The following NCOR2 variants were observed in gnomAD, a reference collection of about 807,000 sequenced individuals.
The protein encoded by NCOR2 is CTG repeat protein 26.
In NCOR2, 81 loss-of-function variants were observed where a neutral mutation model predicts 262.9. The observed-to-expected ratio is 0.31, with a 90% CI of 0.26 to 0.37. The LOEUF is 0.37. NCOR2 is among the 10% of genes least tolerant of loss of function. NCOR2 has a pLI of 1.00. For missense variants in NCOR2, 3,385 were observed against 3,621.4 expected (o/e 0.93, Z 1.68); for synonymous variants, 1,659 against 1,559.3 (o/e 1.06, Z -1.51).
At chr12:124,382,530 G>C (rs2040487840) in intron 17 of NCOR2, among the ~76,000 whole-genome samples, 1 of 152,222 alleles carries the variant, frequency 6.6e-6, no homozygotes, top group Admixed American at 6.5e-5. Context: ...CTTTGACTGT[G>C]TCATTCGGAT....
chr12:124,437,521 A>G (rs1263673081), intron 8 of NCOR2, among the ~76,000 whole-genome samples: 2 of 152,194 alleles, frequency 1.3e-5, no homozygotes, highest in Non-Finnish European at 2.9e-5. Flanking sequence ...CCAGTGCACC[A>G]GGAAAGGCTC....
chr12:124,436,615 C>T (rs1394273184), intron 8 of NCOR2, among the ~76,000 whole-genome samples: 1 of 152,232 alleles, frequency 6.6e-6, no homozygotes, highest in African/African-American at 2.4e-5. Context: ...CAAAACCAGG[C>T]AGCCTCACTC....
intron 1 of NCOR2, among the ~76,000 whole-genome samples, chr12:124,490,635 A>C (rs2048035653): frequency 1.3e-5 from 2 of 150,624 alleles, no homozygotes; most frequent in African/African-American, 4.9e-5. Context: ...GACCCCCCCC[A>C]GGGCACTCAG....
chr12:124,400,449 C>T (rs2041934735), intron 15 of NCOR2, 52 bp downstream of exon 17: 1 of 1,587,708 alleles, frequency 6.3e-7, no homozygotes, highest in Admixed American at 1.7e-5. Flanking sequence ...ATGAGCGCAA[C>T]CCGCCGTGTC....
At chr12:124,388,902 G>A (rs1449558829) in intron 16 of NCOR2, 6 of 814,674 alleles carry the variant, frequency 7.4e-6, no homozygotes, top group Middle Eastern at 5.4e-4. Context: ...GGGAGCGAGG[G>A]AGGGAGGGAC....
intron 20 of NCOR2, among the ~76,000 whole-genome samples, chr12:124,366,010 TAA>T (rs1052701698): frequency 6.6e-6 from 1 of 151,976 alleles, no homozygotes; most frequent in African/African-American, 2.4e-5. Context: ...AGCTGAAATT[TAA>T]AAGAGAATGC....
chr12:124,343,094 C>T (rs776321587), exon 33 of NCOR2: 13 of 1,612,206 alleles, frequency 8.1e-6, no homozygotes, highest in Admixed American at 5.0e-5. Context: ...ACTCACGCCC[C>T]GAAGCAGGTG....
At chr12:124,420,128 T>C in intron 12 of NCOR2, 73 bp from the exon 15 acceptor site, 1 of 1,291,088 alleles carries the variant, frequency 7.7e-7, no homozygotes, top group Non-Finnish European at 1.1e-6. Flanking sequence ...GGAGCTCACA[T>C]CCTGGGCTCA....
intron 1 of NCOR2, among the ~76,000 whole-genome samples, chr12:124,509,875 C>G (rs967948226): frequency 1.2e-4 from 19 of 152,148 alleles, no homozygotes; most frequent in Non-Finnish European, 2.2e-4. Flanking sequence ...CGACGGCCGC[C>G]CCCCACAGTA....
At chr12:124,426,917 C>T (rs112284309) in intron 10 of NCOR2, 117 bp from the exon 13 acceptor site, 10,233 of 914,154 alleles carry the variant, frequency 0.011, 162 homozygotes, top group Non-Finnish European at 0.01. Context: ...AGGGAAAACG[C>T]GAAACCAAGG....
rs2050793203 is a variant in NCOR2 at position 124,531,775 on chromosome 12, A to G, written c.-118+3790T>C. ...GGCCAGGGCCCTAAAACCTCCCCCT[A>G]CACACCTTCGGTGTCCCCGATCACC... On this transcript the variant is annotated intron_variant, in intron 1 of 46. Coordinates refer to the NCOR2 transcript ENST00000404621. This position sits in a 1 kb window ranked among gnomAD's most constrained non-coding sequence, Gnocchi z 4.5. 6.7e-6 allele frequency among the ~76,000 whole-genome samples: 1 copy of G among 148,856 alleles called. No homozygotes were observed.
At chr12:124,335,751 G>C (rs1372822837) in intron 38 of NCOR2, 119 bp from the exon 41 acceptor site, 11 of 1,217,756 alleles carry the variant, frequency 9.0e-6, no homozygotes, top group Non-Finnish European at 1.2e-5. Flanking sequence ...CCCAAGCTAG[G>C]GGTAGGGTTT....
chr12:124,334,028 G>GTGCGCGCGCATGTGTGTGGGTGT (rs1593094229), intron 41 of NCOR2, among the ~76,000 whole-genome samples: 1 of 150,412 alleles, frequency 6.6e-6, no homozygotes, highest in African/African-American at 2.4e-5. Flanking sequence ...GTGCATGTGT[G>GTGCGCGCGCATGTGTGTGGGTGT]GAAAGGCTGC....
At chr12:124,411,249 C>T (rs1705444071) in intron 13 of NCOR2, among the ~76,000 whole-genome samples, 1 of 151,748 alleles carries the variant, frequency 6.6e-6, no homozygotes, top group Non-Finnish European at 1.5e-5. Context: ...CAGACGTAGC[C>T]ACCCGTGTGC....
intron 1 of NCOR2, chr12:124,543,011 C>A (rs1226552493): frequency 6.6e-6 from 1 of 151,268 alleles, no homozygotes; most frequent in Non-Finnish European, 1.5e-5. Context: ...AGGTCTCAGT[C>A]CCCACTGGAC....
chr12:124,475,418 A>T (rs1241650496), intron 3 of NCOR2, among the ~76,000 whole-genome samples: 1 of 152,194 alleles, frequency 6.6e-6, no homozygotes, highest in Admixed American at 6.5e-5. Flanking sequence ...CATTACGCAG[A>T]GGCAGAAACA....
intron 1 of NCOR2, among the ~76,000 whole-genome samples, chr12:124,553,750 G>C (rs7969624): frequency 0.026 from 3,901 of 152,294 alleles, 165 homozygotes; most frequent in African/African-American, 0.089. Flanking sequence ...CCATGCTCTA[G>C]TAAGATCCAT....
exon 32 of NCOR2, chr12:124,344,920 G>T (rs375849244): frequency 1.3e-5 from 21 of 1,567,428 alleles, no homozygotes; most frequent in Non-Finnish European, 1.8e-5. Flanking sequence ...GCCAGTGGTG[G>T]ACGCGCCGGT....
intron 12 of NCOR2, among the ~76,000 whole-genome samples, chr12:124,420,766 C>A (rs2043160616): frequency 6.6e-6 from 1 of 152,350 alleles, no homozygotes; most frequent in East Asian, 1.9e-4. Flanking sequence ...ATGCCCACAG[C>A]CGTTCCCCTT....
Sources: allele counts gnomAD v4.1 joint callset (sites outside exome capture counted in the v4.1 genomes callset), GRCh38; gene constraint gnomAD v4.1.1; non-coding constraint Gnocchi (gnomAD v3.1); transcripts MANE v1.5; gene names NCBI Gene and HGNC (gene_info 2026-07-23, HGNC 2026-07-21).